TBC1D22A: variants seen among roughly 807,000 people sequenced by gnomAD.
The protein encoded by TBC1D22A is TBC1 domain family member 22A.
A neutral mutation model predicts 60.2 loss-of-function variants in TBC1D22A; 38 were observed. The ratio of observed to expected loss-of-function variants is 0.63; its 90% CI spans 0.49 to 0.83. The LOEUF is 0.83. TBC1D22A is among the 40% of genes least tolerant of loss of function. TBC1D22A has a pLI of 0.00. For synonymous variants in TBC1D22A, 302 were observed against 281.7 expected (o/e 1.07, Z -0.72); for missense variants, 628 against 701.0 (o/e 0.90, Z 1.18).
chr22:46,900,007 T>C (rs1249477637), intron 7 of TBC1D22A, among the ~76,000 whole-genome samples: 2 of 149,808 alleles, frequency 1.3e-5, no homozygotes, highest in Non-Finnish European at 3.0e-5. Context: ...AGGTGATGGC[T>C]GGGTCCACTG....
intron 1 of TBC1D22A, among the ~76,000 whole-genome samples, chr22:46,766,681 G>A (rs879565973): frequency 1.3e-5 from 2 of 152,068 alleles, no homozygotes; most frequent in Non-Finnish European, 2.9e-5. Context: ...GATTACAGGC[G>A]CCCACCACCA....
intron 11 of TBC1D22A, among the ~76,000 whole-genome samples, chr22:47,055,957 C>T (rs2063381270): frequency 7.9e-6 from 1 of 126,512 alleles, no homozygotes; most frequent in Non-Finnish European, 1.7e-5. Flanking sequence ...CATTTGGCTC[C>T]ATGGGAAGGA....
chr22:46,915,305 G>T, intron 8 of TBC1D22A: 1 of 431,472 alleles, frequency 2.3e-6, no homozygotes, highest in Non-Finnish European at 4.7e-6. Context: ...ATTCTGGTTT[G>T]CTGAACTCTT....
At chr22:46,903,458 C>T (rs1391137148) in intron 7 of TBC1D22A, among the ~76,000 whole-genome samples, 1 of 152,240 alleles carries the variant, frequency 6.6e-6, no homozygotes, top group African/African-American at 2.4e-5. Context: ...GCTTTTGCCG[C>T]TTGAATTTGG....
At chr22:47,048,215 G>A (rs1277986930) in intron 11 of TBC1D22A, among the ~76,000 whole-genome samples, 2 of 152,138 alleles carry the variant, frequency 1.3e-5, no homozygotes, top group African/African-American at 4.8e-5. Flanking sequence ...CGTCTTATGT[G>A]TGAGGTGTGG....
intron 11 of TBC1D22A, among the ~76,000 whole-genome samples, chr22:47,065,851 G>T (rs964203259): frequency 9.9e-5 from 15 of 152,186 alleles, no homozygotes; most frequent in Admixed American, 3.3e-4. Context: ...GTGTCCAGCT[G>T]TGCGTGGGGT....
At chr22:47,091,194 G>A (rs1158807771) in intron 11 of TBC1D22A, among the ~76,000 whole-genome samples, 2 of 146,676 alleles carry the variant, frequency 1.4e-5, no homozygotes, top group Non-Finnish European at 1.5e-5. Context: ...CCTCGCGGAG[G>A]GGGTGGCTGC....
Position 47,111,629 on chromosome 22 carries a change from C to T in TBC1D22A, c.1425+26C>T, listed in dbSNP as rs376486618. ...GTAAGTAAATGTCTTTTCAAAAGAA[C>T]CCAAGTTTGATTTTCTACTAGGAGA... On this transcript the variant is annotated intron_variant, in intron 12 of 12. Transcript: ENST00000337137. 41 of 1,594,668 alleles carry T rather than the reference C, an allele frequency of 2.6e-5. No individual in the cohort carries two copies. The African/African-American group carries it at 5.4e-4, about 21-fold the overall frequency.
chr22:46,864,431 C>G (rs912793293), intron 4 of TBC1D22A, among the ~76,000 whole-genome samples: 2 of 152,206 alleles, frequency 1.3e-5, no homozygotes, highest in African/African-American at 4.8e-5. Context: ...ACCAGTTTCC[C>G]TCCTGGCTGT....
At chr22:46,825,885 C>G (rs893028516) in intron 4 of TBC1D22A, among the ~76,000 whole-genome samples, 1 of 141,754 alleles carries the variant, frequency 7.1e-6, no homozygotes, top group African/African-American at 2.6e-5. Context: ...TGGTGGTCTT[C>G]TTTTTTTTTT....
chr22:47,063,342 G>A (rs1409364395), intron 11 of TBC1D22A, among the ~76,000 whole-genome samples: 1 of 152,208 alleles, frequency 6.6e-6, no homozygotes, highest in Non-Finnish European at 1.5e-5. Flanking sequence ...CTGAGGGTAG[G>A]TGAAGAGGTT....
intron 3 of TBC1D22A, among the ~76,000 whole-genome samples, chr22:46,796,455 G>A (rs903004259): frequency 6.6e-6 from 1 of 152,056 alleles, no homozygotes; most frequent in Non-Finnish European, 1.5e-5. Context: ...CGTTTGCTTC[G>A]GCTCCATTTC....
At chr22:46,785,934 T>C (rs1428618941) in intron 1 of TBC1D22A, among the ~76,000 whole-genome samples, 2 of 152,066 alleles carry the variant, frequency 1.3e-5, no homozygotes, top group African/African-American at 4.8e-5. Context: ...ACATGCATCA[T>C]CATGCCTGGT....
rs2063893415 is a variant in TBC1D22A, at chr22:47,069,681, TGTTGTTTGGTTGG to T, written c.1329+32484_1329+32496del. ...GACTTGACGGTTCCCGGCTGTTCCC[TGTTGTTTGGTTGG>T]AGCGGGGCTGACCTGACGGTCCTGG... is the stretch of plus-strand genomic sequence containing the variant. On this transcript the variant is annotated intron_variant, in intron 11 of 12. Transcript: ENST00000337137. 4.1e-5 allele frequency among the ~76,000 whole-genome samples: 6 copies of T among 146,668 alleles called. No homozygotes were observed. In the South Asian group the frequency reaches 1.4e-3, roughly 33 times the overall value.
intron 4 of TBC1D22A, among the ~76,000 whole-genome samples, chr22:46,819,204 C>T (rs544760282): frequency 1.3e-5 from 2 of 152,266 alleles, no homozygotes; most frequent in East Asian, 3.9e-4. Context: ...CTCCTCTCTT[C>T]CTATTTGAAT....
rs1236026219 is a variant in TBC1D22A at position 46,806,340 on chromosome 22, GA to G, written c.637+8721del. ...TTTAGAATGAACCCTCCTCTGTTCT[GA>G]TTTTTTTTTTTTTTTTTGCCCGGAA... On this transcript the variant is annotated intron_variant, in intron 4 of 12. Transcript: ENST00000337137. 1.4e-4 allele frequency among the ~76,000 whole-genome samples: 13 copies of G among 93,808 alleles called. No homozygotes were observed. In the East Asian group the frequency reaches 2.6e-3, roughly 19 times the overall value. The allele number at this position is 93,808 out of a possible 152,430, so 61.5% of individuals were successfully genotyped here. A position where few individuals can be genotyped will look rare whatever the true frequency, so the allele number is the denominator to read the frequency against.
intron 1 of TBC1D22A, chr22:46,774,080 G>T: frequency 2.0e-6 from 2 of 985,528 alleles, no homozygotes; most frequent in Non-Finnish European, 2.4e-6. Flanking sequence ...TGTTCCTCCC[G>T]CCCCCGCACC....
intron 10 of TBC1D22A, among the ~76,000 whole-genome samples, chr22:47,002,061 C>T (rs2061424738): frequency 6.6e-6 from 1 of 152,124 alleles, no homozygotes; most frequent in Non-Finnish European, 1.5e-5. Context: ...CCCTACTTAG[C>T]AAAGGATTTT....
rs2062337013 is a variant in TBC1D22A at position 47,028,425 on chromosome 22, CG to C, written c.1202-8645del. Among the ~76,000 whole-genome samples the C allele has an allele frequency of 1.3e-5, 1 of 77,264 alleles. No individual in the cohort carries two copies. The highest frequency in any genetic ancestry group is 1.2e-4 in the Admixed American group (1 of 8,076). 50.7% of individuals were successfully genotyped at this position (77,264 alleles called of 152,430 possible). A position where few individuals can be genotyped will look rare whatever the true frequency, so the allele number is the denominator to read the frequency against. ...TCCCCCACGGCCCAGGTTCTGAGAG[CG>C]AGTGGTCGCATTCCTGTCCCTCGGT... On this transcript the variant is annotated intron_variant, in intron 10 of 12. Coordinates refer to ENST00000337137, the MANE Select transcript of TBC1D22A (RefSeq NM_014346.5). The surrounding 1 kb of genome is among the most constrained non-coding windows in gnomAD (Gnocchi z 4.4).
Sources: gnomAD v4.1 joint callset for allele counts (sites outside exome capture counted in the v4.1 genomes callset) on GRCh38, gnomAD v4.1.1 for gene constraint, Gnocchi (gnomAD v3.1) non-coding constraint, MANE v1.5 for transcripts, NCBI Gene and HGNC (gene_info 2026-07-23, HGNC 2026-07-21) for gene names.